Variants in ADCYAP1R1 observed in about 807,000 individuals in gnomAD.
ADCYAP1R1 encodes pituitary adenylate cyclase-activating polypeptide type I receptor.
Under a neutral mutation model 67.6 loss-of-function variants are expected in ADCYAP1R1, and 44 were observed. The observed-to-expected ratio is 0.65, with a 90% CI of 0.51 to 0.84. ADCYAP1R1 has a LOEUF of 0.84. ADCYAP1R1 is among the 40% of genes least tolerant of loss of function. The pLI is 0.00. For synonymous variants in ADCYAP1R1, 222 were observed against 219.6 expected, an observed-to-expected ratio of 1.01 and a Z score of -0.10; for missense variants, 477 against 587.9, an observed-to-expected ratio of 0.81 and a Z score of 1.95.
chr7:31,068,190 C>T (rs1327027887), intron 3 of ADCYAP1R1, among the ~76,000 whole-genome samples: 2 of 151,364 alleles, frequency 1.3e-5, no homozygotes, highest in African/African-American at 2.5e-5. Flanking sequence ...CTCTGTCTCT[C>T]TCAGACACGC....
chr7:31,098,717 G>T (rs1036596013), intron 13 of ADCYAP1R1, among the ~76,000 whole-genome samples: 2 of 78,536 alleles, frequency 2.5e-5, no homozygotes, highest in Admixed American at 3.1e-4. Flanking sequence ...GGGGGGGGGG[G>T]GACCTGGGCT....
intron 14 of ADCYAP1R1, among the ~76,000 whole-genome samples, chr7:31,104,159 T>C (rs938736300): frequency 3.3e-5 from 5 of 151,954 alleles, no homozygotes; most frequent in East Asian, 1.9e-4. Context: ...CATGGGCTCA[T>C]AGACAAAGCC....
intron 1 of ADCYAP1R1, among the ~76,000 whole-genome samples, chr7:31,057,441 C>A (rs1794298518): frequency 1.3e-5 from 2 of 152,242 alleles, no homozygotes; most frequent in South Asian, 4.1e-4. Context: ...ATGATACTGC[C>A]AACGGGCACA....
intron 6 of ADCYAP1R1, 46 bp from the exon 7 acceptor site, chr7:31,084,095 C>CCT: frequency 6.5e-7 from 1 of 1,528,106 alleles, no homozygotes; most frequent in South Asian, 1.1e-5. Context: ...ATTTCAGGGC[C>CCT]CTCTTAATCA....
intron 11 of ADCYAP1R1, 118 bp downstream of exon 11, chr7:31,087,121 C>A (rs1473962937): frequency 8.3e-7 from 1 of 1,205,000 alleles, no homozygotes; most frequent in African/African-American, 1.5e-5. Context: ...ATGCCAGGCC[C>A]AGACTAAAGC....
chr7:31,104,422 A>G (rs891676517), intron 14 of ADCYAP1R1, among the ~76,000 whole-genome samples: 2 of 152,200 alleles, frequency 1.3e-5, no homozygotes, highest in Admixed American at 6.5e-5. Flanking sequence ...GCTGTGTATG[A>G]TAGTATCTGG....
intron 3 of ADCYAP1R1, among the ~76,000 whole-genome samples, chr7:31,072,942 G>T (rs1795049657): frequency 6.6e-6 from 1 of 152,216 alleles, no homozygotes; most frequent in African/African-American, 2.4e-5. Flanking sequence ...AGGGAGGAAG[G>T]GGCCATGGGC....
intron 3 of ADCYAP1R1, among the ~76,000 whole-genome samples, chr7:31,075,970 G>T (rs1795193048): frequency 6.6e-6 from 1 of 152,190 alleles, no homozygotes; most frequent in East Asian, 1.9e-4. Context: ...GTTTCCAGCT[G>T]GGGCTGGAAC....
intron 4 of ADCYAP1R1, 37 bp from the exon 5 acceptor site, chr7:31,080,576 T>C: frequency 6.2e-7 from 1 of 1,609,930 alleles, no homozygotes; most frequent in Non-Finnish European, 8.5e-7. Context: ...GCTGCTCACC[T>C]CTGACTTTTC....
At chr7:31,097,473 G>T (rs568668133) in intron 13 of ADCYAP1R1, among the ~76,000 whole-genome samples, 2 of 152,066 alleles carry the variant, frequency 1.3e-5, no homozygotes, top group East Asian at 1.9e-4. Flanking sequence ...GCCATTGAAG[G>T]TTTGGGGAAA....
intron 12 of ADCYAP1R1, among the ~76,000 whole-genome samples, chr7:31,089,793 G>A (rs1201280758): frequency 5.9e-5 from 9 of 152,150 alleles, no homozygotes; most frequent in Non-Finnish European, 1.3e-4. Context: ...GTTTTAATCT[G>A]TTATTGTAAC....
At chr7:31,057,509 G>A (rs923614007) in intron 1 of ADCYAP1R1, among the ~76,000 whole-genome samples, 14 of 152,222 alleles carry the variant, frequency 9.2e-5, no homozygotes, top group African/African-American at 2.4e-4. Flanking sequence ...AAGCTTGTGC[G>A]AAATGCAGGG....
intron 15 of ADCYAP1R1, 70 bp downstream of exon 15, chr7:31,104,979 C>G (rs1035984601): frequency 6.6e-7 from 1 of 1,511,412 alleles, no homozygotes; most frequent in East Asian, 2.3e-5. Context: ...AGGGGAACCA[C>G]CTGTTGGCCA....
At chr7:31,098,527 T>C (rs1796297715) in intron 13 of ADCYAP1R1, among the ~76,000 whole-genome samples, 1 of 152,112 alleles carries the variant, frequency 6.6e-6, no homozygotes, top group South Asian at 2.1e-4. Context: ...TCTCAGGTGG[T>C]GTTGGTGTTG....
rs1365804774 is a variant in ADCYAP1R1 at position 31,103,376 on chromosome 7, G to T, written c.1176+10G>T. ...GCTGGGCTCCTTCCAGGTAGGTGTGGCACATGGGGAGGACAGAACTCACTG... is the reference window on the plus strand; with the variant it reads ...GCTGGGCTCCTTCCAGGTAGGTGTGTCACATGGGGAGGACAGAACTCACTG... On this transcript the variant is annotated intron_variant, in intron 14 of 15. Transcript: ENST00000304166. The T allele has an allele frequency of 1.2e-6, 2 of 1,614,128 alleles. No homozygotes were observed. Among genetic ancestry groups the T allele is most frequent in the Non-Finnish European group, 1.7e-6 (2 of 1,180,006 alleles).
At chr7:31,081,311 G>A (rs1263489312) in intron 5 of ADCYAP1R1, among the ~76,000 whole-genome samples, 1 of 152,076 alleles carries the variant, frequency 6.6e-6, no homozygotes, top group Non-Finnish European at 1.5e-5. Flanking sequence ...GTGGAGGGTC[G>A]AGCACCAAAA....
intron 9 of ADCYAP1R1, among the ~76,000 whole-genome samples, chr7:31,085,661 C>G (rs1795717659): frequency 1.3e-5 from 2 of 152,226 alleles, no homozygotes; most frequent in African/African-American, 4.8e-5. Flanking sequence ...AGCCAAAATG[C>G]TTCCTGTCTC....
At chr7:31,072,979 C>A (rs1436681165) in intron 3 of ADCYAP1R1, among the ~76,000 whole-genome samples, 1 of 152,196 alleles carries the variant, frequency 6.6e-6, no homozygotes, top group African/African-American at 2.4e-5. Context: ...CCTCTTAACT[C>A]TGGAAAAGGC....
chr7:31,087,496 C>A, intron 11 of ADCYAP1R1, 131 bp from the exon 12 acceptor site: 2 of 773,492 alleles, frequency 2.6e-6, no homozygotes, highest in East Asian at 2.6e-5. Flanking sequence ...AGCTCTTGTT[C>A]CAGCCAGCCC....
Sources: allele counts gnomAD v4.1 joint callset (sites outside exome capture counted in the v4.1 genomes callset), GRCh38; gene constraint gnomAD v4.1.1; transcripts MANE v1.5; gene names NCBI Gene and HGNC (gene_info 2026-07-23, HGNC 2026-07-21).